Variants in PKHD1L1 observed in about 807,000 individuals in gnomAD.
The protein encoded by PKHD1L1 is PKHD1 like 1, also known as fibrocystin-L.
PKHD1L1 carries 434 observed loss-of-function variants against 462.9 expected under a neutral mutation model. The observed-to-expected ratio is 0.94, with a 90% CI of 0.87 to 1.02. The LOEUF is 1.02. Among genes scored for constraint, PKHD1L1 ranks in the 50% least tolerant of loss-of-function variants. The pLI, the probability that PKHD1L1 is intolerant of heterozygous loss-of-function variation, is 0.00. For missense variants in PKHD1L1, 5,202 were observed against 5,096.1 expected (o/e 1.02, Z -0.63); for synonymous variants, 1,781 against 1,750.0 (o/e 1.02, Z -0.44).
intron 3 of PKHD1L1, 49 bp downstream of exon 3, chr8:109,381,563 T>A (rs1219439786): frequency 5.9e-6 from 8 of 1,364,482 alleles, no homozygotes; most frequent in Non-Finnish European, 8.0e-6. Context: ...ATATCAGAAG[T>A]TACAGTTATG....
chr8:109,368,178 C>A (rs1241499032), intron 2 of PKHD1L1, among the ~76,000 whole-genome samples: 1 of 152,154 alleles, frequency 6.6e-6, no homozygotes, highest in Non-Finnish European at 1.5e-5. Flanking sequence ...TTTAAAAAAT[C>A]AGTAAGATGG....
intron 2 of PKHD1L1, among the ~76,000 whole-genome samples, chr8:109,376,522 G>A (rs980384517): frequency 3.9e-5 from 6 of 152,016 alleles, no homozygotes; most frequent in Admixed American, 1.3e-4. Context: ...CCCACTGTCC[G>A]GCACTCCCCA....
At chr8:109,448,091 T>G in intron 38 of PKHD1L1, 52 bp from the exon 39 acceptor site, 2 of 1,437,104 alleles carry the variant, frequency 1.4e-6, no homozygotes, top group Non-Finnish European at 1.9e-6. Flanking sequence ...TTTAAATGGA[T>G]GTGTATTAAT....
chr8:109,364,473 T>C (rs925929004), intron 1 of PKHD1L1, 74 bp from the exon 2 acceptor site: 6 of 954,882 alleles, frequency 6.3e-6, no homozygotes, highest in Non-Finnish European at 9.7e-6. Flanking sequence ...CCTTGTGGTA[T>C]GTGTTACAAA....
rs759776789 is a variant in PKHD1L1 at position 109,498,563 on chromosome 8, A to T, written c.10701A>T (p.Arg3567Ser). 6.2e-7 allele frequency: 1 copy of T among 1,612,344 alleles called. No individual in the cohort carries two copies. The highest frequency in any genetic ancestry group is 8.5e-7 in the Non-Finnish European group (1 of 1,178,374). ...TCACTGCTGCTCATCGGAGTCCTAG[A>T]TCTCCATCAGGTGAAAAATTTGAAA... ...IELTAAHRSP[R>S]SPSGGRSGIC... is the part of the protein sequence containing the mutation. The change falls in exon 66 of 78, where the codon AGA becomes AGT. Residue 3567 changes from arginine (R) to serine (S), a missense_variant. Coordinates refer to ENST00000378402, the MANE Select transcript of PKHD1L1 (RefSeq NM_177531.6).
At chr8:109,513,937 G>A (rs867830802) in intron 71 of PKHD1L1, among the ~76,000 whole-genome samples, 2 of 151,924 alleles carry the variant, frequency 1.3e-5, no homozygotes, top group African/African-American at 2.4e-5. Flanking sequence ...CAACTTAGTA[G>A]CCAGATACCG....
chr8:109,479,724 C>A, intron 54 of PKHD1L1, 85 bp downstream of exon 54: 2 of 1,005,942 alleles, frequency 2.0e-6, no homozygotes, highest in Non-Finnish European at 2.9e-6. Context: ...GTTTTATCAG[C>A]ACACCTTTCC....
chr8:109,475,227 C>T lies in PKHD1L1; in HGVS notation c.8715C>T (p.His2905=). 1 of 1,610,710 alleles carries T rather than the reference C, an allele frequency of 6.2e-7. No individual in the cohort carries two copies. The highest frequency in any genetic ancestry group is 1.1e-5 in the South Asian group (1 of 90,822). Residue 2905 remains histidine (H), a synonymous_variant, in exon 51 of 78, where the codon CAC becomes CAT. Transcript: ENST00000378402. The stretch of plus-strand genomic sequence containing the variant: ...ACTGGTATTTTAAAGGTGTGGATCA[C>T]ATAACCAACATTTCATATACATCGA... ...HINWYFKGVD[H]ITNISYTSTF...
At chr8:109,507,572 A>T in intron 68 of PKHD1L1, 91 bp from the exon 69 acceptor site, 1 of 1,110,210 alleles carries the variant, frequency 9.0e-7, no homozygotes. Context: ...CAATAGATCA[A>T]TTTTTTTGGA....
chr8:109,368,109 A>G (rs1160300517), intron 2 of PKHD1L1, among the ~76,000 whole-genome samples: 4 of 152,212 alleles, frequency 2.6e-5, no homozygotes, highest in African/African-American at 9.6e-5. Flanking sequence ...TTGTTACTTT[A>G]TAGTCATACC....
At chr8:109,415,163 C>T (rs1258934798) in intron 21 of PKHD1L1, among the ~76,000 whole-genome samples, 1 of 151,702 alleles carries the variant, frequency 6.6e-6, no homozygotes, top group Non-Finnish European at 1.5e-5. Flanking sequence ...CTACCACGCC[C>T]AGCTAATTTT....
At position 109,459,681 on chromosome 8, in the gene PKHD1L1, A is replaced by G. The variant is rs781388110; in HGVS notation, c.7091A>G (p.Tyr2364Cys). The change falls in exon 47 of 78, where the codon TAC becomes TGC. Residue 2364 changes from tyrosine to cysteine, a missense_variant. Physicochemically the swap from Tyr to Cys is radical, Grantham distance 194. Coordinates refer to ENST00000378402, the MANE Select transcript of PKHD1L1 (RefSeq NM_177531.6). ...ATAACACTAAGTAACCCACTAAATT[A>G]CACACACTTAGGAATTACGGTCACA... ...INITLSNPLN[Y>C]THLGITVTLP... The G allele has an allele frequency of 3.1e-6, 5 of 1,610,946 alleles. No homozygotes were observed. The highest frequency in any genetic ancestry group is 2.5e-6 in the Non-Finnish European group (3 of 1,178,424).
At chr8:109,473,897 G>T (rs1817850780) in intron 50 of PKHD1L1, among the ~76,000 whole-genome samples, 1 of 152,158 alleles carries the variant, frequency 6.6e-6, no homozygotes, top group Non-Finnish European at 1.5e-5. Flanking sequence ...AGAGGCTTAA[G>T]AAGTCAAACC....
intron 5 of PKHD1L1, among the ~76,000 whole-genome samples, chr8:109,385,223 T>C (rs1812374063): frequency 6.6e-6 from 1 of 151,682 alleles, no homozygotes; most frequent in Non-Finnish European, 1.5e-5. Flanking sequence ...TCACCTAAGA[T>C]TTCTCTTACT....
In PKHD1L1 at chr8:109,532,593, T is replaced by A. The variant is rs889769273; in HGVS notation, c.*2503T>A. ...TAAAAATCCTTTGATGTGTGAATATTCTTCTACCTAAGACCTGAAATGTTG... is the reference window on the plus strand; with the variant it reads ...TAAAAATCCTTTGATGTGTGAATATACTTCTACCTAAGACCTGAAATGTTG... On this transcript the variant is annotated 3_prime_UTR_variant, in exon 78 of 78. Coordinates refer to ENST00000378402, the MANE Select transcript of PKHD1L1 (RefSeq NM_177531.6). Among the ~76,000 whole-genome samples the A allele has an allele frequency of 6.6e-6, 1 of 152,234 alleles. No homozygotes were observed. Among genetic ancestry groups the A allele is most frequent in the Non-Finnish European group, 1.5e-5 (1 of 68,038 alleles).
At chr8:109,390,091 C>T (rs1812642483) in intron 8 of PKHD1L1, among the ~76,000 whole-genome samples, 1 of 152,058 alleles carries the variant, frequency 6.6e-6, no homozygotes, top group Admixed American at 6.5e-5. Flanking sequence ...GTGTGCTCAC[C>T]CCACATCTGC....
In PKHD1L1 at chr8:109,382,355, A is replaced by G. The variant is rs184912452; in HGVS notation, c.309-108A>G. On this transcript the variant is annotated intron_variant, in intron 3 of 77. Coordinates refer to ENST00000378402, the MANE Select transcript of PKHD1L1 (RefSeq NM_177531.6). ...CTAGACATCAGTTACGACGTTGGACACTTTCTGTCAAAAATAGCCTGCAGT... is the reference window on the plus strand; with the variant it reads ...CTAGACATCAGTTACGACGTTGGACGCTTTCTGTCAAAAATAGCCTGCAGT... 7.8e-3 allele frequency: 6,441 copies of G among 828,712 alleles called. 53 individuals carry two copies. Among genetic ancestry groups the G allele is most frequent in the Middle Eastern group, 0.043 (140 of 3,274 alleles). The allele number at this position is 828,712 out of a possible 1,614,324, so 51.3% of individuals were successfully genotyped here.
intron 17 of PKHD1L1, among the ~76,000 whole-genome samples, chr8:109,407,555 G>C (rs988068991): frequency 2.0e-5 from 3 of 152,098 alleles, no homozygotes; most frequent in Non-Finnish European, 4.4e-5. Flanking sequence ...TCTCAAAGTG[G>C]CAAAGCCAAT....
chr8:109,441,913 C>A, intron 34 of PKHD1L1, 94 bp from the exon 35 acceptor site: 1 of 1,014,076 alleles, frequency 9.9e-7, no homozygotes, highest in Non-Finnish European at 1.3e-6. Flanking sequence ...AAAATGTTTT[C>A]ACTACTGACT....
Sources: allele counts gnomAD v4.1 joint callset (sites outside exome capture counted in the v4.1 genomes callset), GRCh38; gene constraint gnomAD v4.1.1; transcripts MANE v1.5; gene names NCBI Gene and HGNC (gene_info 2026-07-23, HGNC 2026-07-21).